MYZAP: variants seen among roughly 807,000 people sequenced by gnomAD.
MYZAP encodes the protein GRINL1A complex locus upstream.
Under a neutral mutation model 69.4 loss-of-function variants are expected in MYZAP, and 66 were observed. That is an observed-to-expected ratio of 0.95 (90% CI 0.78 to 1.17). The LOEUF (loss-of-function observed/expected upper bound fraction) is 1.17, where lower values mean the gene tolerates loss of function less well. Ranked by LOEUF, MYZAP falls within the 50% of genes most tolerant of loss-of-function variation. The pLI, the probability that MYZAP is intolerant of heterozygous loss-of-function variation, is 0.00. For missense variants in MYZAP, 611 were observed against 556.2 expected (o/e 1.10, Z -0.99); for synonymous variants, 256 against 205.9 (o/e 1.24, Z -2.09).
At chr15:57,671,021 T>G (rs1209934687) in intron 11 of MYZAP, among the ~76,000 whole-genome samples, 1 of 152,176 alleles carries the variant, frequency 6.6e-6, no homozygotes, top group Non-Finnish European at 1.5e-5. Context: ...GAAACTAGAT[T>G]CTTTCATATA....
At chr15:57,617,898 C>A in intron 2 of MYZAP, 135 bp from the exon 3 acceptor site, 1 of 1,233,084 alleles carries the variant, frequency 8.1e-7, no homozygotes, top group Non-Finnish European at 1.1e-6. Context: ...GGGATTTTTG[C>A]TCCCTCCATC....
At chr15:57,667,162 A>T (rs2038616500) in intron 11 of MYZAP, among the ~76,000 whole-genome samples, 1 of 152,144 alleles carries the variant, frequency 6.6e-6, no homozygotes, top group African/African-American at 2.4e-5. Flanking sequence ...TCTGTTATGC[A>T]TTCTTGCGAC....
At chr15:57,676,550 G>A (rs1404352761) in intron 12 of MYZAP, among the ~76,000 whole-genome samples, 1 of 151,062 alleles carries the variant, frequency 6.6e-6, no homozygotes, top group Non-Finnish European at 1.5e-5. Flanking sequence ...GATCAATTGT[G>A]TACAGAGACC....
chr15:57,676,436 GTATATA>G (rs1244767243), intron 12 of MYZAP, among the ~76,000 whole-genome samples: 9 of 20,078 alleles, frequency 4.5e-4, no homozygotes, highest in African/African-American at 8.2e-4. Context: ...ATATATATAT[GTATATA>G]TATATATATA....
chr15:57,612,723 T>C (rs550225466), intron 2 of MYZAP, among the ~76,000 whole-genome samples: 1 of 152,270 alleles, frequency 6.6e-6, no homozygotes, highest in Admixed American at 6.5e-5. Flanking sequence ...CTGTAGCTGC[T>C]CTTTCTTTCT....
chr15:57,599,664 T>A (rs2034290039), intron 1 of MYZAP: 10 of 1,289,182 alleles, frequency 7.8e-6, no homozygotes, highest in Non-Finnish European at 1.0e-5. Context: ...TATCCGAGTT[T>A]CAGGAGACCA....
intron 12 of MYZAP, among the ~76,000 whole-genome samples, chr15:57,678,901 G>T (rs1468814571): frequency 6.6e-6 from 1 of 152,074 alleles, no homozygotes; most frequent in Admixed American, 6.6e-5. Flanking sequence ...TAGTTGCCGG[G>T]TGTGGTGTCT....
intron 6 of MYZAP, among the ~76,000 whole-genome samples, chr15:57,630,438 C>G (rs992007288): frequency 6.6e-6 from 1 of 152,222 alleles, no homozygotes; most frequent in African/African-American, 2.4e-5. Flanking sequence ...TCTTCCTTCA[C>G]TGTTTAGATT....
chr15:57,644,854 T>A (rs1270290528), intron 10 of MYZAP, among the ~76,000 whole-genome samples: 1 of 152,156 alleles, frequency 6.6e-6, no homozygotes, highest in Non-Finnish European at 1.5e-5. Flanking sequence ...TCTAGAGAGA[T>A]GTTACTAAGG....
intron 8 of MYZAP, among the ~76,000 whole-genome samples, chr15:57,635,389 C>G (rs150545599): frequency 1.2e-3 from 183 of 152,294 alleles, no homozygotes; most frequent in African/African-American, 4.1e-3. Flanking sequence ...GTCTTTAGCA[C>G]GACCCATTTT....
chr15:57,632,229 G>A (rs1053775632), intron 6 of MYZAP, among the ~76,000 whole-genome samples: 2 of 152,176 alleles, frequency 1.3e-5, no homozygotes, highest in Non-Finnish European at 2.9e-5. Flanking sequence ...CCCAAAATTC[G>A]TGTGAAATGC....
chr15:57,668,520 C>A (rs545801484), intron 11 of MYZAP, among the ~76,000 whole-genome samples: 2 of 152,142 alleles, frequency 1.3e-5, no homozygotes, highest in South Asian at 4.2e-4. Flanking sequence ...GCTTTGAAAG[C>A]TCCAAAATAA....
At chr15:57,666,108 T>G (rs754854787) in intron 11 of MYZAP, among the ~76,000 whole-genome samples, 7 of 152,224 alleles carry the variant, frequency 4.6e-5, no homozygotes, top group Non-Finnish European at 1.0e-4. Context: ...TTACTCAACC[T>G]TTTGGAGACT....
chr15:57,621,657 A>G lies in MYZAP; in HGVS notation c.368A>G (p.Asp123Gly), dbSNP rs1258145995. 1.9e-6 allele frequency: 3 copies of G among 1,613,924 alleles called. No individual in the cohort carries two copies. The African/African-American group carries it at 4.0e-5, about 22-fold the overall frequency. ...AGAAAGCGAATGTATGGAGACTATG[A>G]TGAGATGAGACAGAAGATTCGACAG... ...KVRKRMYGDY[D>G]EMRQKIRQLT... The change falls in exon 4 of 13, where the codon GAT becomes GGT. Residue 123 changes from aspartate to glycine, a missense_variant. Asp to Gly is a moderately conservative substitution (Grantham distance 94). Coordinates refer to ENST00000267853, the MANE Select transcript of MYZAP (RefSeq NM_001018100.5).
At chr15:57,639,120 G>T (rs1229956342) in intron 9 of MYZAP, among the ~76,000 whole-genome samples, 1 of 151,970 alleles carries the variant, frequency 6.6e-6, no homozygotes, top group Non-Finnish European at 1.5e-5. Context: ...TTGATTTCTT[G>T]TTCTTGGAAG....
At chr15:57,633,430 A>G (rs1041423506) in intron 7 of MYZAP, among the ~76,000 whole-genome samples, 183 bp from the exon 8 acceptor site, 1 of 152,196 alleles carries the variant, frequency 6.6e-6, no homozygotes, top group Admixed American at 6.5e-5. Context: ...CACATGATGT[A>G]TCTTTATTCA....
chr15:57,669,191 G>A (rs539715485), intron 11 of MYZAP, among the ~76,000 whole-genome samples: 1 of 152,180 alleles, frequency 6.6e-6, no homozygotes, highest in East Asian at 1.9e-4. Flanking sequence ...GCCAGGCCCT[G>A]TTGAAGAGAT....
Position 57,618,088 on chromosome 15 carries a change from A to G in MYZAP, c.218A>G (p.Tyr73Cys). The G allele has an allele frequency of 1.9e-6, 3 of 1,614,140 alleles. No homozygotes were observed. Among genetic ancestry groups the G allele is most frequent in the Non-Finnish European group, 2.5e-6 (3 of 1,180,020 alleles). Residue 73 changes from tyrosine (Y) to cysteine (C), a missense_variant, in exon 3 of 13, where the codon TAT becomes TGT. Physicochemically the swap from Tyr to Cys is radical, Grantham distance 194. Coordinates refer to ENST00000267853, the MANE Select transcript of MYZAP (RefSeq NM_001018100.5). ...AGGAAACTTCCTCAGGGTGTTGTTT[A>G]TGGTGTGGTGCGAAGATCAGATCAA... The part of the protein sequence containing the change: ...PTRKLPQGVV[Y>C]GVVRRSDQNQ...
intron 4 of MYZAP, among the ~76,000 whole-genome samples, chr15:57,623,784 A>G (rs2035962018): frequency 6.6e-6 from 1 of 150,716 alleles, no homozygotes; most frequent in Admixed American, 6.7e-5. Context: ...CTACAATAGA[A>G]TATATGCAGT....
Sources: gnomAD v4.1 joint callset for allele counts (sites outside exome capture counted in the v4.1 genomes callset) on GRCh38, gnomAD v4.1.1 for gene constraint, MANE v1.5 for transcripts, NCBI Gene and HGNC (gene_info 2026-07-23, HGNC 2026-07-21) for gene names.